HHAT: variants seen among roughly 807,000 people sequenced by gnomAD.
The protein encoded by HHAT is protein-cysteine N-palmitoyltransferase HHAT.
HHAT carries 47 observed loss-of-function variants against 70.8 expected under a neutral mutation model. That is an observed-to-expected ratio of 0.66 (90% CI 0.53 to 0.85). The LOEUF is 0.85. HHAT is among the 40% of genes least tolerant of loss of function. The pLI, the probability that HHAT is intolerant of heterozygous loss-of-function variation, is 0.00. For missense variants in HHAT, 609 were observed against 604.8 expected, an observed-to-expected ratio of 1.01 and a Z score of -0.07; for synonymous variants, 228 against 247.6, an observed-to-expected ratio of 0.92 and a Z score of 0.74.
At chr1:210,633,604 G>A (rs574760074) in intron 11 of HHAT, among the ~76,000 whole-genome samples, 14 of 152,186 alleles carry the variant, frequency 9.2e-5, no homozygotes, top group African/African-American at 2.4e-4. Context: ...TCCAGCCCCC[G>A]CCTGACTTCA....
At chr1:210,426,606 G>T (rs1003429533) in intron 7 of HHAT, among the ~76,000 whole-genome samples, 2 of 152,102 alleles carry the variant, frequency 1.3e-5, no homozygotes, top group Admixed American at 1.3e-4. Context: ...TAATCATGTG[G>T]TTTTTGTCTT....
intron 5 of HHAT, among the ~76,000 whole-genome samples, chr1:210,403,094 A>G (rs551021542): frequency 6.6e-6 from 1 of 152,318 alleles, no homozygotes; most frequent in South Asian, 2.1e-4. Context: ...AGCATTTTGA[A>G]AGTTCAAGTA....
intron 10 of HHAT, among the ~76,000 whole-genome samples, chr1:210,591,024 T>A (rs1020552714): frequency 6.6e-6 from 1 of 152,144 alleles, no homozygotes. Context: ...TGGGGGTAAA[T>A]GGGGTATCCA....
At chr1:210,658,476 A>G (rs12116836) in intron 11 of HHAT, among the ~76,000 whole-genome samples, 38,990 of 152,114 alleles carry the variant, frequency 0.26, 5,998 homozygotes, top group South Asian at 0.36. Context: ...CCATATTTGT[A>G]TAGTTGGATT....
At chr1:210,594,713 T>C (rs1450121560) in intron 10 of HHAT, among the ~76,000 whole-genome samples, 1 of 152,238 alleles carries the variant, frequency 6.6e-6, no homozygotes, top group South Asian at 2.1e-4. Flanking sequence ...AGAACTGCCG[T>C]TGGCATTTCT....
intron 7 of HHAT, among the ~76,000 whole-genome samples, chr1:210,457,807 G>A (rs958716231): frequency 8.5e-5 from 13 of 152,206 alleles, no homozygotes; most frequent in East Asian, 5.8e-4. Flanking sequence ...GTTTACCCCC[G>A]GGAAGATCTT....
intron 8 of HHAT, among the ~76,000 whole-genome samples, chr1:210,477,592 G>T (rs2094324157): frequency 6.6e-6 from 1 of 152,208 alleles, no homozygotes; most frequent in Non-Finnish European, 1.5e-5. Context: ...TCAGGGGCAT[G>T]GCCTTACTGT....
At chr1:210,631,189 G>A (rs1307741965) in intron 11 of HHAT, 1 of 443,328 alleles carries the variant, frequency 2.3e-6, no homozygotes, top group Non-Finnish European at 4.5e-6. Context: ...GAGATTATAA[G>A]CCCTTTGACT....
At chr1:210,408,918 A>G (rs2092431224) in intron 6 of HHAT, among the ~76,000 whole-genome samples, 2 of 152,146 alleles carry the variant, frequency 1.3e-5, no homozygotes, top group Admixed American at 6.5e-5. Flanking sequence ...TTGGAGTGCA[A>G]TGGTGCAATC....
rs543344407 is a variant in HHAT, at chr1:210,547,568, A to G, written c.1043+34380A>G. On this transcript the variant is annotated intron_variant, in intron 9 of 11. Transcript: ENST00000261458. ...TATCTGCGTATTAAGGCAGGTCCCA[A>G]AGGGCCTCTATTTGGCAGTTTTCCA... Among the ~76,000 whole-genome samples, 3 of 152,266 alleles carry G rather than the reference A, an allele frequency of 2.0e-5. No homozygotes were observed. In the East Asian group the frequency reaches 5.8e-4, roughly 29 times the overall value.
chr1:210,372,894 A>G (rs1355350598), intron 3 of HHAT, among the ~76,000 whole-genome samples: 2 of 151,780 alleles, frequency 1.3e-5, no homozygotes, highest in Non-Finnish European at 2.9e-5. Context: ...TCATTATTAC[A>G]AGGGTATCAG....
At chr1:210,669,510 T>C (rs1408825508) in intron 11 of HHAT, among the ~76,000 whole-genome samples, 4 of 152,234 alleles carry the variant, frequency 2.6e-5, no homozygotes, top group African/African-American at 9.6e-5. Flanking sequence ...TATTGTGCCA[T>C]ACATCCTAGT....
chr1:210,353,935 T>C (rs1421107067), intron 2 of HHAT, among the ~76,000 whole-genome samples: 8 of 152,202 alleles, frequency 5.3e-5, no homozygotes, highest in Non-Finnish European at 1.2e-4. Flanking sequence ...TTGTAAAGAA[T>C]GTGTTTGGAT....
chr1:210,584,190 C>A (rs1485942968), intron 9 of HHAT, among the ~76,000 whole-genome samples: 1 of 151,896 alleles, frequency 6.6e-6, no homozygotes, highest in Non-Finnish European at 1.5e-5. Flanking sequence ...GACCCCCCAG[C>A]CTCGGCTTCC....
chr1:210,474,843 TTTTGTTTG>T (rs563684265), intron 8 of HHAT, among the ~76,000 whole-genome samples: 18 of 151,374 alleles, frequency 1.2e-4, no homozygotes, highest in African/African-American at 3.9e-4. Flanking sequence ...TTTCCGTTTT[TTTTGTTTG>T]TTTGTTTGTT....
intron 9 of HHAT, among the ~76,000 whole-genome samples, chr1:210,568,352 G>A (rs1382695259): frequency 6.6e-6 from 1 of 152,190 alleles, no homozygotes; most frequent in Non-Finnish European, 1.5e-5. Flanking sequence ...ACAATTTAGG[G>A]TAGATGTAAG....
At chr1:210,374,022 T>G (rs1296014935) in intron 3 of HHAT, 4 of 152,220 alleles carry the variant, frequency 2.6e-5, no homozygotes, top group Non-Finnish European at 5.9e-5. Flanking sequence ...ACCTTTGACA[T>G]GGAAAACAAG....
chr1:210,389,944 G>C (rs936826179), intron 4 of HHAT, among the ~76,000 whole-genome samples: 3 of 152,154 alleles, frequency 2.0e-5, no homozygotes, highest in Non-Finnish European at 4.4e-5. Flanking sequence ...GTTGTCCTCT[G>C]TAAAATAGGA....
At chr1:210,635,878 C>T (rs1036806664) in intron 11 of HHAT, among the ~76,000 whole-genome samples, 3 of 152,118 alleles carry the variant, frequency 2.0e-5, no homozygotes, top group Admixed American at 1.3e-4. Context: ...ACTTATTCCA[C>T]GTACTACCTG....
Sources: allele counts gnomAD v4.1 joint callset (sites outside exome capture counted in the v4.1 genomes callset), GRCh38; gene constraint gnomAD v4.1.1; transcripts MANE v1.5; gene names NCBI Gene and HGNC (gene_info 2026-07-23, HGNC 2026-07-21).